SH2B1: variants seen among roughly 807,000 people sequenced by gnomAD.
SH2B1 encodes the protein SH2B adapter protein 1.
SH2B1 carries 15 observed loss-of-function variants against 62.6 expected under a neutral mutation model. The observed-to-expected ratio is 0.24, with a 90% confidence interval of 0.16 to 0.37. The LOEUF (loss-of-function observed/expected upper bound fraction) is 0.37. Among genes scored for constraint, SH2B1 ranks in the 10% least tolerant of loss-of-function variants. The probability of loss-of-function intolerance (pLI) is 1.00; values close to 1 mark genes in which losing one functional copy is unlikely to be tolerated. For missense variants in SH2B1, 925 were observed against 1,015.6 expected (o/e 0.91, Z 1.21); for synonymous variants, 443 against 438.0 (o/e 1.01, Z -0.14).
chr16:28,849,838 G>A (rs1439799155), intron 1 of SH2B1, among the ~76,000 whole-genome samples: 5 of 152,090 alleles, frequency 3.3e-5, no homozygotes, highest in Admixed American at 1.3e-4. Context: ...CAGGAGAATC[G>A]CTTGAACCCA....
chr16:28,853,077 T>A (rs1440172239), intron 1 of SH2B1, among the ~76,000 whole-genome samples: 1 of 117,774 alleles, frequency 8.5e-6, no homozygotes, highest in Non-Finnish European at 1.6e-5. Context: ...TACATATATA[T>A]TTATATATAT....
Position 28,864,954 on chromosome 16 carries a change from G to A in SH2B1, c.-1141G>A. The A allele has an allele frequency of 2.7e-6, 1 of 369,900 alleles. No homozygotes were observed. The highest frequency in any genetic ancestry group is 1.1e-4 in the South Asian group (1 of 9,138). The allele number at this position is 369,900 out of a possible 1,614,324, so 22.9% of individuals were successfully genotyped here. ...GATCATTAGCTTTGTTTAACAGATAGAAAAACGGAGGCTCAGAGAGGACGT... is the reference window on the plus strand; with the variant it reads ...GATCATTAGCTTTGTTTAACAGATAAAAAAACGGAGGCTCAGAGAGGACGT... On this transcript the variant is annotated 5_prime_UTR_variant, in exon 1 of 8. Transcript: ENST00000684370.
At chr16:28,863,842 G>C, upstream of SH2B1, 1 of 1,531,428 alleles carries the variant, frequency 6.5e-7, no homozygotes, top group South Asian at 1.2e-5. Flanking sequence ...ACGCCTGCGC[G>C]GAACCGGGCT....
At position 28,855,668 on chromosome 16, in the gene SH2B1, C is replaced by A. The variant is rs190382881; in HGVS notation, c.-300-5950C>A. ...ATTTATTTTTTTTTTGAGACAGAGTCTTGTTCTGTCGCCCGGGCTGGAGTG... is the reference window on the plus strand; with the variant it reads ...ATTTATTTTTTTTTTGAGACAGAGTATTGTTCTGTCGCCCGGGCTGGAGTG... On this transcript the variant is annotated intron_variant, in intron 1 of 10. Transcript: ENST00000322610. 2.7e-3 allele frequency among the ~76,000 whole-genome samples: 401 copies of A among 145,968 alleles called. 4 individuals are homozygous for A. Among genetic ancestry groups the A allele is most frequent in the African/African-American group, 9.8e-3 (380 of 38,718 alleles).
upstream of SH2B1, chr16:28,863,236 C>G: frequency 6.1e-6 from 1 of 165,136 alleles, no homozygotes; most frequent in African/African-American, 2.4e-5. Context: ...CGGCCCTGAC[C>G]TCATTATTTC....
chr16:28,848,667 CCTTTT>C (rs1962036509), intron 1 of SH2B1, among the ~76,000 whole-genome samples: 1 of 127,904 alleles, frequency 7.8e-6, no homozygotes, highest in Non-Finnish European at 1.6e-5. Context: ...ACCGCACTGT[CCTTTT>C]TTTTTTTTTT....
rs1256802510 is a variant in SH2B1, at chr16:28,864,863, G to A, written c.-1232G>A. 4.4e-6 allele frequency: 1 copy of A among 225,714 alleles called. No individual in the cohort carries two copies. The highest frequency in any genetic ancestry group is 1.8e-4 in the East Asian group (1 of 5,484). The allele number at this position is 225,714 out of a possible 1,614,324, so 14.0% of individuals were successfully genotyped here. A position where few individuals can be genotyped will look rare whatever the true frequency, so the allele number is the denominator to read the frequency against. ...TAACAATGGCAGTCGTTCAGCGGAT[G>A]CTTACTTTGCGTTCAGCGCTGACAT... On this transcript the variant is annotated 5_prime_UTR_variant, in exon 1 of 8. It removes an upstream start codon present in the reference 5' UTR. Transcript: ENST00000684370.
rs570091470 is a variant in SH2B1 at position 28,865,848 on chromosome 16, G to A, written c.-247G>A. Reference sequence around the variant, plus strand: ...GGGAGCCAGTTGGCTGGGGCCTGCAGGGTGCCAGGATCTGGGAGAGGGAAG... The same window carrying A: ...GGGAGCCAGTTGGCTGGGGCCTGCAAGGTGCCAGGATCTGGGAGAGGGAAG... On this transcript the variant is annotated 5_prime_UTR_variant, in exon 1 of 8. Transcript: ENST00000684370. 1 of 1,292,230 alleles carries A rather than the reference G, an allele frequency of 7.7e-7. No homozygotes were observed. The allele number at this position is 1,292,230 out of a possible 1,614,324, so 80.0% of individuals were successfully genotyped here.
chr16:28,846,638 T>TG (rs554084931), upstream of SH2B1: 26 of 297,044 alleles, frequency 8.8e-5, no homozygotes, highest in South Asian at 1.1e-3. Flanking sequence ...GCTGTGGAGG[T>TG]GATCAGAGTG....
In SH2B1 at chr16:28,872,860, G is replaced by A. The variant is rs1225354405; in HGVS notation, c.1897+155G>A. The A allele has an allele frequency of 6.8e-6, 7 of 1,035,946 alleles. No homozygotes were observed. The South Asian group carries it at 8.6e-5, about 13-fold the overall frequency. 64.2% of individuals were successfully genotyped at this position (1,035,946 alleles called of 1,614,324 possible). On this transcript the variant is annotated intron_variant, in intron 7 of 7. Transcript: ENST00000684370. The surrounding 1 kb of genome is among the most constrained non-coding windows in gnomAD (Gnocchi z 5.3). ...GGAGGCTGTTGTGCCTCGGGGTTTGGAAGGGAAAGAAATGCGCTGATAGGA... is the reference window on the plus strand; with the variant it reads ...GGAGGCTGTTGTGCCTCGGGGTTTGAAAGGGAAAGAAATGCGCTGATAGGA...
intron 1 of SH2B1, among the ~76,000 whole-genome samples, chr16:28,852,561 T>C (rs1366615878): frequency 7.3e-5 from 4 of 55,044 alleles, no homozygotes; most frequent in African/African-American, 4.2e-4. Context: ...CACATATTTA[T>C]ATATATACAC....
upstream of SH2B1, chr16:28,862,284 A>C (rs1962469741): frequency 6.6e-6 from 1 of 151,810 alleles, no homozygotes; most frequent in Admixed American, 6.6e-5. Context: ...TCTGGAATTG[A>C]CCTCATTATT....
chr16:28,865,929 A>T lies in SH2B1; in HGVS notation c.-166A>T. Reference sequence around the variant, plus strand: ...TCTGCGGAGTCTGAAGTAGGGTCGGACGTCTCTGGCTGGGGGTGGGATGCA... The same window carrying T: ...TCTGCGGAGTCTGAAGTAGGGTCGGTCGTCTCTGGCTGGGGGTGGGATGCA... On this transcript the variant is annotated 5_prime_UTR_variant, in exon 1 of 8. Transcript: ENST00000684370. 3 of 1,415,532 alleles carry T rather than the reference A, an allele frequency of 2.1e-6. No individual in the cohort carries two copies. The highest frequency in any genetic ancestry group is 2.8e-6 in the Non-Finnish European group (3 of 1,090,148). The allele number at this position is 1,415,532 out of a possible 1,614,324, so 87.7% of individuals were successfully genotyped here. A position where few individuals can be genotyped will look rare whatever the true frequency, so the allele number is the denominator to read the frequency against.
Position 28,865,412 on chromosome 16 carries a change from G to A in SH2B1, c.-683G>A. ...CCTCCAAAGAGTTGGACCCTAAGATGCGTGAGGCAGGCTCTCTAAGGTCTA... is the reference window on the plus strand; with the variant it reads ...CCTCCAAAGAGTTGGACCCTAAGATACGTGAGGCAGGCTCTCTAAGGTCTA... On this transcript the variant is annotated 5_prime_UTR_variant, in exon 1 of 8. An upstream start codon of the reference 5' UTR is lost. Transcript: ENST00000684370. 2.0e-6 allele frequency: 2 copies of A among 985,618 alleles called. No individual in the cohort carries two copies. The highest frequency in any genetic ancestry group is 2.4e-6 in the Non-Finnish European group (2 of 829,954). 61.1% of individuals were successfully genotyped at this position (985,618 alleles called of 1,614,324 possible).
In SH2B1 at chr16:28,866,823, A is replaced by G; in HGVS notation, c.729A>G (p.Gly243=). ...GGGGAGGGGGCGCCTTGAAGGATGG[A>G]GCAGGGATGGTGCAGAGGGAAGAGC... ...LSRGGGALKD[G]AGMVQREELL... is the part of the protein sequence containing the mutation. The change falls in exon 1 of 8, where the codon GGA becomes GGG. Residue 243 remains glycine, a synonymous_variant. Transcript: ENST00000684370. The surrounding 1 kb of genome is among the most constrained non-coding windows in gnomAD (Gnocchi z 6.3). The G allele has an allele frequency of 6.3e-7, 1 of 1,594,274 alleles. No homozygotes were observed. Among genetic ancestry groups the G allele is most frequent in the South Asian group, 1.1e-5 (1 of 87,196 alleles).
chr16:28,851,665 A>G (rs1201591375), intron 1 of SH2B1, among the ~76,000 whole-genome samples: 1 of 150,240 alleles, frequency 6.7e-6, no homozygotes, highest in African/African-American at 2.4e-5. Context: ...GAGTTTCACC[A>G]TGTTGGCCAG....
chr16:28,854,234 G>A (rs115489131), intron 1 of SH2B1, among the ~76,000 whole-genome samples: 2,868 of 151,940 alleles, frequency 0.019, 89 homozygotes, highest in African/African-American at 0.064. Flanking sequence ...CCAGGAGGTC[G>A]AGGCTGCAAT....
intron 4 of SH2B1, among the ~76,000 whole-genome samples, chr16:28,871,382 C>T (rs1200634992): frequency 1.3e-5 from 2 of 152,072 alleles, no homozygotes; most frequent in African/African-American, 4.8e-5. Flanking sequence ...GCCTGTAATC[C>T]CAGAGCTGAG....
chr16:28,865,995 C>T lies in SH2B1; in HGVS notation c.-100C>T, dbSNP rs1417537179. 5 of 1,498,768 alleles carry T rather than the reference C, an allele frequency of 3.3e-6. No individual in the cohort carries two copies. Among genetic ancestry groups the T allele is most frequent in the Non-Finnish European group, 4.4e-6 (5 of 1,133,414 alleles). The allele number at this position is 1,498,768 out of a possible 1,614,324, so 92.8% of individuals were successfully genotyped here. ...TCAGCAGTGACCCTCGTGTGTGCCT[C>T]TCTCTTCCTTTCGCAGCTGCTGCCG... is the stretch of plus-strand genomic sequence containing the variant. On this transcript the variant is annotated 5_prime_UTR_variant, in exon 1 of 8. Coordinates refer to ENST00000684370, the MANE Select transcript of SH2B1 (RefSeq NM_001387430.1).
Sources: allele counts gnomAD v4.1 joint callset (sites outside exome capture counted in the v4.1 genomes callset), GRCh38; gene constraint gnomAD v4.1.1; non-coding constraint Gnocchi (gnomAD v3.1); transcripts MANE v1.5; gene names NCBI Gene and HGNC (gene_info 2026-07-23, HGNC 2026-07-21).